Variants in BBC3 observed in about 807,000 individuals in gnomAD.
BBC3 encodes the protein bcl-2-binding component 3.
A neutral mutation model predicts 18.2 loss-of-function variants in BBC3; 5 were observed. That is an observed-to-expected ratio of 0.27 (90% CI 0.14 to 0.58). BBC3 has a LOEUF of 0.58. Among genes scored for constraint, BBC3 ranks in the 20% least tolerant of loss-of-function variants. The pLI, the probability that BBC3 is intolerant of heterozygous loss-of-function variation, is 0.91. For missense variants in BBC3, 224 were observed against 268.9 expected (o/e 0.83, Z 1.17); for synonymous variants, 119 against 128.0 (o/e 0.93, Z 0.47).
At chr19:47,226,967 CG>C in intron 2 of BBC3, 1 of 438,988 alleles carries the variant, frequency 2.3e-6, no homozygotes, top group Non-Finnish European at 4.0e-6. Flanking sequence ...TGGCCAGCTA[CG>C]TCCCCACGGC....
intron 3 of BBC3, among the ~76,000 whole-genome samples, chr19:47,226,077 G>A (rs1193648119): frequency 2.0e-5 from 3 of 151,152 alleles, no homozygotes; most frequent in Admixed American, 6.6e-5. Context: ...CGTGCCAGGG[G>A]CTGGGGGGCG....
rs2058902862 is a variant in BBC3 at position 47,230,733 on chromosome 19, A to C, written c.-16+196T>G. ...AGACCGCCGAGGCACCTGTGCGCCC[A>C]GACCGGCGCCCCAACGCCGAGCCGC... On this transcript the variant is annotated intron_variant, in intron 1 of 3. Transcript: ENST00000439096. The surrounding 1 kb of genome is among the most constrained non-coding windows in gnomAD (Gnocchi z 6.7). The C allele has an allele frequency of 3.0e-6, 3 of 985,052 alleles. No individual in the cohort carries two copies. In the South Asian group the frequency reaches 1.4e-4, roughly 46 times the overall value. 61.0% of individuals were successfully genotyped at this position (985,052 alleles called of 1,614,324 possible).
chr19:47,226,872 G>T, intron 2 of BBC3, 118 bp from the exon 3 acceptor site: 2 of 898,508 alleles, frequency 2.2e-6, no homozygotes, highest in Non-Finnish European at 3.1e-6. Flanking sequence ...TGATCCCATC[G>T]CTAGTGAGTC....
chr19:47,229,439 G>A (rs1009905920), intron 1 of BBC3, among the ~76,000 whole-genome samples: 3 of 150,056 alleles, frequency 2.0e-5, no homozygotes, highest in South Asian at 4.3e-4. Flanking sequence ...CCCTCCTCAC[G>A]CAACCCTCAA....
chr19:47,226,081 G>A (rs1011901505), intron 3 of BBC3, among the ~76,000 whole-genome samples: 2 of 151,802 alleles, frequency 1.3e-5, no homozygotes, highest in African/African-American at 4.9e-5. Context: ...CCAGGGGCTG[G>A]GGGGCGGGGC....
At chr19:47,223,046 G>A (rs1319455254) in intron 3 of BBC3, among the ~76,000 whole-genome samples, 1 of 151,644 alleles carries the variant, frequency 6.6e-6, no homozygotes, top group Non-Finnish European at 1.5e-5. Flanking sequence ...CGAGGCGGGC[G>A]GATTATGAGG....
At chr19:47,222,976 A>AAT (rs1188364994) in intron 3 of BBC3, among the ~76,000 whole-genome samples, 2 of 130,146 alleles carry the variant, frequency 1.5e-5, no homozygotes, top group African/African-American at 5.9e-5. Flanking sequence ...AAAAAAAAAA[A>AAT]AAAAAAAATA....
Position 47,230,633 on chromosome 19 carries a change from C to A in BBC3, c.-16+296G>T, listed in dbSNP as rs544022895. On this transcript the variant is annotated intron_variant, in intron 1 of 3. Coordinates refer to ENST00000439096, the MANE Select transcript of BBC3 (RefSeq NM_014417.5). This position sits in a 1 kb window ranked among gnomAD's most constrained non-coding sequence, Gnocchi z 6.7. ...GGCTGGGGCACCCCTGGGGTCGACC[C>A]TCTTCCCCGGGGCCGCACTGGCCGC... The A allele has an allele frequency of 3.0e-5, 24 of 788,576 alleles. 1 individual carries two copies. The South Asian group carries it at 1.3e-3, about 43-fold the overall frequency. The allele number at this position is 788,576 out of a possible 1,614,324, so 48.8% of individuals were successfully genotyped here. A position where few individuals can be genotyped will look rare whatever the true frequency, so the allele number is the denominator to read the frequency against.
chr19:47,229,884 T>C (rs903807296), intron 1 of BBC3, among the ~76,000 whole-genome samples: 11 of 152,042 alleles, frequency 7.2e-5, no homozygotes, highest in Middle Eastern at 6.8e-3. Flanking sequence ...CATTTGCATT[T>C]AGCAGGCGCA....
rs370316669 is a variant in BBC3 at position 47,221,933 on chromosome 19, G to C, written c.466-15C>G. ...TCCTCTTGTCTCTGGGGAAAAGAGA[G>C]AGAAGGGGCAGTTAGCAGGGGACTG... On this transcript the variant is annotated splice_polypyrimidine_tract_variant and intron_variant, in intron 3 of 3. Coordinates refer to ENST00000439096, the MANE Select transcript of BBC3 (RefSeq NM_014417.5). 12 of 1,590,924 alleles carry C rather than the reference G, an allele frequency of 7.5e-6. No homozygotes were observed. The African/African-American group carries it at 1.5e-4, about 20-fold the overall frequency.
At position 47,228,281 on chromosome 19, in the gene BBC3, G is replaced by T; in HGVS notation, c.151C>A (p.Pro51Thr). The change falls in exon 2 of 4, where the codon CCC becomes ACC. Residue 51 changes from proline to threonine, a missense_variant. Coordinates refer to ENST00000439096, the MANE Select transcript of BBC3 (RefSeq NM_014417.5). The surrounding 1 kb of genome is among the most constrained non-coding windows in gnomAD (Gnocchi z 5.5). The part of the protein sequence containing the change: ...EPGLAAAPAA[P>T]TLLPAAYLCA... ...AGGTAGGCAGCGGGCAGCAGGGTGG[G>T]GGCGGCGGGGGCGGCAGCCAGGCCG... 1.6e-6 allele frequency: 2 copies of T among 1,216,956 alleles called. No homozygotes were observed. The highest frequency in any genetic ancestry group is 3.3e-5 in the East Asian group (1 of 30,442). 75.4% of individuals were successfully genotyped at this position (1,216,956 alleles called of 1,614,324 possible). A position where few individuals can be genotyped will look rare whatever the true frequency, so the allele number is the denominator to read the frequency against.
chr19:47,229,957 C>T (rs1227264014), intron 1 of BBC3, among the ~76,000 whole-genome samples: 1 of 152,064 alleles, frequency 6.6e-6, no homozygotes, highest in Admixed American at 6.6e-5. Context: ...TCAGCCAAGA[C>T]AGAAACACAC....
intron 3 of BBC3, among the ~76,000 whole-genome samples, chr19:47,223,853 C>A (rs1183858089): frequency 6.6e-6 from 1 of 152,126 alleles, no homozygotes; most frequent in Non-Finnish European, 1.5e-5. Flanking sequence ...AGTTACAAAA[C>A]CCACCACTGT....
rs2058900421 is a variant in BBC3 at position 47,230,609 on chromosome 19, G to C, written c.-16+320C>G. 6.6e-6 allele frequency among the ~76,000 whole-genome samples: 1 copy of C among 151,746 alleles called. No homozygotes were observed. Among genetic ancestry groups the C allele is most frequent in the Non-Finnish European group, 1.5e-5 (1 of 67,858 alleles). On this transcript the variant is annotated intron_variant, in intron 1 of 3. Transcript: ENST00000439096. The surrounding 1 kb of genome is among the most constrained non-coding windows in gnomAD (Gnocchi z 6.7). ...CCCCCGCCCCTCCCGGACTTTGGGG[G>C]CTGGGGCACCCCTGGGGTCGACCCT...
intron 3 of BBC3, among the ~76,000 whole-genome samples, chr19:47,225,131 G>A (rs895557983): frequency 4.6e-5 from 7 of 151,624 alleles, no homozygotes; most frequent in Admixed American, 1.3e-4. Flanking sequence ...GGCTTGTCTC[G>A]AACTCCCGAC....
At chr19:47,231,372 G>C (rs1426929973), upstream of BBC3, among the ~76,000 whole-genome samples, 1 of 151,954 alleles carries the variant, frequency 6.6e-6, no homozygotes, top group Non-Finnish European at 1.5e-5. This position sits in a 1 kb window ranked among gnomAD's most constrained non-coding sequence, Gnocchi z 4.0. Flanking sequence ...CCTCCGCGCC[G>C]GGGGTTTCCC....
intron 3 of BBC3, among the ~76,000 whole-genome samples, chr19:47,226,277 C>T (rs2058818436): frequency 6.6e-6 from 1 of 151,790 alleles, no homozygotes. Context: ...CGCCCTCAGT[C>T]CCCGCGGCCG....
rs1445095371 is a variant in BBC3, at chr19:47,230,274, C to T, written c.-16+655G>A. Reference sequence around the variant, plus strand: ...TTCCTCTGGATCGACACCACCACTCCCTGCAGAACCCAGCACAAACTCGGA... The same window carrying T: ...TTCCTCTGGATCGACACCACCACTCTCTGCAGAACCCAGCACAAACTCGGA... On this transcript the variant is annotated intron_variant, in intron 1 of 3. Coordinates refer to ENST00000439096, the MANE Select transcript of BBC3 (RefSeq NM_014417.5). This position sits in a 1 kb window ranked among gnomAD's most constrained non-coding sequence, Gnocchi z 6.7. Among the ~76,000 whole-genome samples the T allele has an allele frequency of 1.3e-5, 2 of 152,112 alleles. No individual in the cohort carries two copies. Among genetic ancestry groups the T allele is most frequent in the Admixed American group, 6.6e-5 (1 of 15,264 alleles).
At position 47,231,197 on chromosome 19, in the gene BBC3, C is replaced by T. The variant is rs1281899175; in HGVS notation, c.-284G>A. The T allele has an allele frequency of 1.0e-6, 1 of 982,958 alleles. No individual in the cohort carries two copies. Among genetic ancestry groups the T allele is most frequent in the Non-Finnish European group, 1.2e-6 (1 of 828,720 alleles). 60.9% of individuals were successfully genotyped at this position (982,958 alleles called of 1,614,324 possible). A position where few individuals can be genotyped will look rare whatever the true frequency, so the allele number is the denominator to read the frequency against. ...CGCTCGCATGTGGCTCGCGCCGCGT[C>T]TCAGGCCGCCCGGCGGATCCCGGGC... On this transcript the variant is annotated 5_prime_UTR_variant, in exon 1 of 4. Coordinates refer to ENST00000439096, the MANE Select transcript of BBC3 (RefSeq NM_014417.5). The surrounding 1 kb of genome is among the most constrained non-coding windows in gnomAD (Gnocchi z 4.0).
Sources: allele counts gnomAD v4.1 joint callset (sites outside exome capture counted in the v4.1 genomes callset), GRCh38; gene constraint gnomAD v4.1.1; non-coding constraint Gnocchi (gnomAD v3.1); transcripts MANE v1.5; gene names NCBI Gene and HGNC (gene_info 2026-07-23, HGNC 2026-07-21).